The following B3GALT1 variants were observed in gnomAD, a reference collection of about 807,000 sequenced individuals.
The protein encoded by B3GALT1 is UDP-Gal:betaGlcNAc beta 1,3-galactosyltransferase, polypeptide 1.
In B3GALT1, 10 loss-of-function variants were observed where a neutral mutation model predicts 23.2. That is an observed-to-expected ratio of 0.43 (90% confidence interval 0.27 to 0.73). The LOEUF is 0.73. B3GALT1 is among the 30% of genes least tolerant of loss of function. The probability of loss-of-function intolerance (pLI) is 0.21; values close to 1 mark genes in which losing one functional copy is unlikely to be tolerated. For synonymous variants in B3GALT1, 156 were observed against 141.5 expected (o/e 1.10, Z -0.73); for missense variants, 299 against 405.4 (o/e 0.74, Z 2.25).
chr2:167,769,828 T>G (rs1465289698), intron 3 of B3GALT1, among the ~76,000 whole-genome samples: 2 of 152,202 alleles, frequency 1.3e-5, no homozygotes, highest in South Asian at 2.1e-4. Flanking sequence ...GGACATTGGG[T>G]TTTTGCCAGA....
intron 3 of B3GALT1, among the ~76,000 whole-genome samples, chr2:167,767,993 T>C (rs1688006729): frequency 6.6e-6 from 1 of 151,954 alleles, no homozygotes. Flanking sequence ...AACCAGGAGA[T>C]TGATGTCCCA....
intron 1 of B3GALT1, among the ~76,000 whole-genome samples, chr2:167,422,531 G>T (rs1698563468): frequency 6.6e-6 from 1 of 152,178 alleles, no homozygotes; most frequent in Non-Finnish European, 1.5e-5. Context: ...TAATGCTGTG[G>T]CCTGTCCTCT....
intron 4 of B3GALT1, among the ~76,000 whole-genome samples, chr2:167,835,486 A>C (rs191959685): frequency 0.011 from 1,634 of 152,318 alleles, 12 homozygotes; most frequent in Middle Eastern, 0.031. Context: ...GGGGAGGGGC[A>C]CCCACCATTG....
At chr2:167,570,400 G>A (rs1232206634) in intron 2 of B3GALT1, among the ~76,000 whole-genome samples, 1 of 151,698 alleles carries the variant, frequency 6.6e-6, no homozygotes, top group Admixed American at 6.6e-5. Flanking sequence ...TCAAGGAATG[G>A]GTCCATTTCA....
chr2:167,477,590 T>C (rs1204934909), intron 1 of B3GALT1, among the ~76,000 whole-genome samples: 1 of 152,222 alleles, frequency 6.6e-6, no homozygotes, highest in East Asian at 1.9e-4. Flanking sequence ...ATCCGGATTG[T>C]AAGTTACCAG....
Position 167,676,061 on chromosome 2 carries a change from C to T in B3GALT1, c.-352+29095C>T, listed in dbSNP as rs1686418797. Among the ~76,000 whole-genome samples, 3 of 152,044 alleles carry T rather than the reference C, an allele frequency of 2.0e-5. No homozygotes were observed. The South Asian group carries it at 6.3e-4, about 32-fold the overall frequency. On this transcript the variant is annotated intron_variant, in intron 3 of 4. Transcript: ENST00000392690. ...ACCCACTATTTCCACCCTGTGTTGG[C>T]CCCCTAAGGGCCTAGACCACGCCCC...
At chr2:167,705,044 C>T (rs1194870715) in intron 3 of B3GALT1, among the ~76,000 whole-genome samples, 1 of 152,144 alleles carries the variant, frequency 6.6e-6, no homozygotes, top group Non-Finnish European at 1.5e-5. Flanking sequence ...CGTGCTATCC[C>T]ACTCTTGTCT....
At chr2:167,615,011 T>TGG (rs1685134437) in intron 2 of B3GALT1, among the ~76,000 whole-genome samples, 1 of 151,918 alleles carries the variant, frequency 6.6e-6, no homozygotes, top group African/African-American at 2.4e-5. Flanking sequence ...TAAAAATAAA[T>TGG]AATGTTTTGA....
At chr2:167,584,089 T>C (rs980456723) in intron 2 of B3GALT1, among the ~76,000 whole-genome samples, 6 of 151,914 alleles carry the variant, frequency 3.9e-5, no homozygotes, top group African/African-American at 1.2e-4. Flanking sequence ...AGAAGAGAAA[T>C]GTAGTCAAGT....
At chr2:167,658,103 T>C (rs902213686) in intron 3 of B3GALT1, among the ~76,000 whole-genome samples, 1 of 152,168 alleles carries the variant, frequency 6.6e-6, no homozygotes, top group Non-Finnish European at 1.5e-5. Context: ...TTGGTAAGTA[T>C]GTGCTATGTG....
At position 167,512,643 on chromosome 2, in the gene B3GALT1, T is replaced by C. The variant is rs1700041781; in HGVS notation, c.-410+22366T>C. 1.5e-5 allele frequency among the ~76,000 whole-genome samples: 2 copies of C among 133,394 alleles called. 1 individual carries two copies. The highest frequency in any genetic ancestry group is 4.8e-4 in the South Asian group (2 of 4,184). The allele number at this position is 133,394 out of a possible 152,430, so 87.5% of individuals were successfully genotyped here. A position where few individuals can be genotyped will look rare whatever the true frequency, so the allele number is the denominator to read the frequency against. ...ATACGTGTATATATATATACATATA[T>C]ATATATATTTTGAGATAGGGTCTCA... On this transcript the variant is annotated intron_variant, in intron 2 of 4. Transcript: ENST00000392690.
At chr2:167,839,231 T>G (rs1156545742) in intron 4 of B3GALT1, among the ~76,000 whole-genome samples, 2 of 152,130 alleles carry the variant, frequency 1.3e-5, no homozygotes, top group Admixed American at 1.3e-4. Flanking sequence ...AAAGAGGAAG[T>G]CAAATTGTCC....
intron 1 of B3GALT1, among the ~76,000 whole-genome samples, chr2:167,431,812 G>A (rs1698709149): frequency 6.6e-6 from 1 of 152,078 alleles, no homozygotes; most frequent in African/African-American, 2.4e-5. Flanking sequence ...AGATAGCTTG[G>A]AATTGGGGGG....
At chr2:167,334,477 T>C (rs1311339865) in intron 1 of B3GALT1, among the ~76,000 whole-genome samples, 3 of 152,184 alleles carry the variant, frequency 2.0e-5, no homozygotes, top group Non-Finnish European at 4.4e-5. Context: ...TCATTCAAGT[T>C]TGTAATTCCC....
chr2:167,301,089 G>A (rs1172387509), intron 1 of B3GALT1, among the ~76,000 whole-genome samples: 1 of 152,044 alleles, frequency 6.6e-6, no homozygotes, highest in Non-Finnish European at 1.5e-5. Flanking sequence ...CATTATCATT[G>A]GCTACTAAAA....
intron 1 of B3GALT1, among the ~76,000 whole-genome samples, chr2:167,311,665 A>G (rs1004713813): frequency 1.3e-5 from 2 of 152,050 alleles, no homozygotes; most frequent in African/African-American, 4.8e-5. Flanking sequence ...CATACTTGAA[A>G]AAGAATCATA....
At chr2:167,616,894 C>G (rs764182976) in intron 2 of B3GALT1, among the ~76,000 whole-genome samples, 1 of 152,036 alleles carries the variant, frequency 6.6e-6, no homozygotes, top group Non-Finnish European at 1.5e-5. Context: ...TTCAGATCTC[C>G]TCTATCTGAG....
chr2:167,596,496 A>C (rs1684776584), intron 2 of B3GALT1, among the ~76,000 whole-genome samples: 1 of 152,220 alleles, frequency 6.6e-6, no homozygotes, highest in Non-Finnish European at 1.5e-5. Flanking sequence ...GAAAAACAAG[A>C]ATATTCCTAC....
intron 3 of B3GALT1, among the ~76,000 whole-genome samples, chr2:167,654,966 TGAAAAAATTCCATGAATAAAATGG>T (rs1283774664): frequency 4.5e-4 from 69 of 152,108 alleles, no homozygotes; most frequent in Middle Eastern, 3.2e-3. Flanking sequence ...AGAGAATTAA[TGAAAAAATTCCATGAATAAAATGG>T]AGGTAAGGGG....
Sources: gnomAD v4.1 joint callset for allele counts (sites outside exome capture counted in the v4.1 genomes callset) on GRCh38, gnomAD v4.1.1 for gene constraint, MANE v1.5 for transcripts, NCBI Gene and HGNC (gene_info 2026-07-23, HGNC 2026-07-21) for gene names.